TJP1: variants seen among roughly 807,000 people sequenced by gnomAD.
TJP1 encodes tight junction protein 1.
Under a neutral mutation model 194.2 loss-of-function variants are expected in TJP1, and 43 were observed. That is an observed-to-expected ratio of 0.22 (90% CI 0.17 to 0.29). The LOEUF is 0.29. Ranked by LOEUF, TJP1 falls within the 10% of genes least tolerant of loss-of-function variation. The pLI, the probability that TJP1 is intolerant of heterozygous loss-of-function variation, is 1.00. For missense variants in TJP1, 1,971 were observed against 2,185.7 expected, an observed-to-expected ratio of 0.90 and a Z score of 1.96; for synonymous variants, 801 against 779.0, an observed-to-expected ratio of 1.03 and a Z score of -0.47.
At chr15:29,734,132 G>A in intron 12 of TJP1, 142 bp downstream of exon 12, 1 of 591,368 alleles carries the variant, frequency 1.7e-6, no homozygotes. Context: ...AAATGACTTA[G>A]AATTACATAA....
At chr15:29,930,570 G>A (rs60884490) in intron 2 of TJP1, among the ~76,000 whole-genome samples, 8,873 of 152,162 alleles carry the variant, frequency 0.058, 748 homozygotes, top group African/African-American at 0.18. Flanking sequence ...GACCAACAGA[G>A]GATTTCTCTA....
rs199907379 is a variant in TJP1, at chr15:29,916,240, CAAAAA to C, written c.306+39987_306+39991del. The stretch of plus-strand genomic sequence containing the variant: ...GTGCGACAAGAGCAAGACTCTGTCT[CAAAAA>C]AAAAAAAAAAAAAAGATCATAGCTC... On this transcript the variant is annotated intron_variant, in intron 2 of 28. Transcript: ENST00000356107. 4.5e-4 allele frequency among the ~76,000 whole-genome samples: 43 copies of C among 96,574 alleles called. 1 individual carries two copies. Among genetic ancestry groups the C allele is most frequent in the African/African-American group, 1.3e-3 (40 of 31,626 alleles). The allele number at this position is 96,574 out of a possible 152,430, so 63.4% of individuals were successfully genotyped here. A position where few individuals can be genotyped will look rare whatever the true frequency, so the allele number is the denominator to read the frequency against.
At chr15:29,803,609 A>C (rs762205771) in intron 1 of TJP1, among the ~76,000 whole-genome samples, 1 of 152,162 alleles carries the variant, frequency 6.6e-6, no homozygotes, top group Non-Finnish European at 1.5e-5. Flanking sequence ...CTTGGCTTTT[A>C]GGAAAATCAA....
chr15:29,765,303 G>A (rs946980908), intron 5 of TJP1, among the ~76,000 whole-genome samples: 1 of 152,106 alleles, frequency 6.6e-6, no homozygotes, highest in Non-Finnish European at 1.5e-5. Context: ...TCACTGAATG[G>A]GGGTATGGAA....
At chr15:29,906,468 AAAATAAATAAAT>A (rs71103415) in intron 2 of TJP1, among the ~76,000 whole-genome samples, 43 of 138,934 alleles carry the variant, frequency 3.1e-4, no homozygotes, top group East Asian at 1.7e-3. Flanking sequence ...ACTCCGTCTC[AAAATAAATAAAT>A]AAATAAATAA....
chr15:29,863,377 AGGTGATT>A (rs1406890168), intron 2 of TJP1, among the ~76,000 whole-genome samples: 12 of 152,156 alleles, frequency 7.9e-5, no homozygotes, highest in African/African-American at 2.9e-4. Context: ...GGAAGGGTTT[AGGTGATT>A]CTTGCAAAAG....
At chr15:29,793,344 T>A (rs2048212308) in intron 2 of TJP1, among the ~76,000 whole-genome samples, 1 of 152,214 alleles carries the variant, frequency 6.6e-6, no homozygotes, top group African/African-American at 2.4e-5. Context: ...TTTTGGCATC[T>A]ATAGAAATGG....
chr15:29,705,567 G>A lies in TJP1; in HGVS notation c.5029C>T (p.Arg1677Trp), dbSNP rs1176030806. The change falls in exon 26 of 28, where the codon CGG becomes TGG. Residue 1677 changes from arginine to tryptophan, a missense_variant. Around this residue, in one of 5 missense-constraint regions of TJP1, gnomAD observed 1,108 missense variants for 1,128.5 expected, o/e 0.98. Transcript: ENST00000614355. ...AAAGGTGGAAGGATGCTGTTGTCCC[G>A]GCAGACCTTGAAATAGATTTCCTGC... ...VEQEIYFKVC[R>W]DNSILPPLDK... is the part of the protein sequence containing the mutation. 8 of 1,614,132 alleles carry A rather than the reference G, an allele frequency of 5.0e-6. No homozygotes were observed. The highest frequency in any genetic ancestry group is 1.7e-4 in the Middle Eastern group (1 of 6,060).
chr15:29,762,196 G>C, intron 6 of TJP1, 139 bp downstream of exon 6: 1 of 631,018 alleles, frequency 1.6e-6, no homozygotes. Flanking sequence ...TGCATAAAGG[G>C]AATTTATATC....
chr15:29,945,776 AACAC>A (rs371167321), intron 2 of TJP1, among the ~76,000 whole-genome samples: 22 of 150,120 alleles, frequency 1.5e-4, no homozygotes, highest in Admixed American at 2.7e-4. Context: ...AAGGCTATTA[AACAC>A]ACACACACAC....
chr15:29,732,487 C>G lies in TJP1; in HGVS notation c.1963G>C (p.Asp655His). ...CTTGCCAGCTTTTCTCTGGCAACAT[C>G]AGCTATTGGTCCAAAAATGGTTACA... Reference protein sequence around the residue: ...RPVTIFGPIADVAREKLAREE... With the variant: ...RPVTIFGPIAHVAREKLAREE... Residue 655 changes from aspartate (D) to histidine (H), a missense_variant, in exon 15 of 28, where the codon GAT (aspartate) becomes CAT (histidine). Coordinates refer to ENST00000614355, the MANE Select transcript of TJP1 (RefSeq NM_001330239.4). 1 of 1,614,072 alleles carries G rather than the reference C, an allele frequency of 6.2e-7. No individual in the cohort carries two copies. The highest frequency in any genetic ancestry group is 8.5e-7 in the Non-Finnish European group (1 of 1,180,020).
intron 2 of TJP1, among the ~76,000 whole-genome samples, chr15:29,895,407 C>T (rs867072483): frequency 2.0e-5 from 3 of 152,216 alleles, no homozygotes; most frequent in Non-Finnish European, 2.9e-5. Context: ...GTTCTACCTT[C>T]CACAAAATGT....
At chr15:29,844,449 T>C (rs1024359581) in intron 2 of TJP1, among the ~76,000 whole-genome samples, 1 of 152,030 alleles carries the variant, frequency 6.6e-6, no homozygotes. Flanking sequence ...GCCAGTGAGG[T>C]GGCACCAGCA....
chr15:29,734,463 T>G, intron 11 of TJP1, 81 bp from the exon 12 acceptor site: 2 of 1,009,720 alleles, frequency 2.0e-6, no homozygotes, highest in South Asian at 3.1e-5. Context: ...ATACTCTCAG[T>G]CTACCTAATT....
chr15:29,855,766 G>T (rs2051824555), intron 2 of TJP1, among the ~76,000 whole-genome samples: 1 of 151,752 alleles, frequency 6.6e-6, no homozygotes, highest in Non-Finnish European at 1.5e-5. Flanking sequence ...TGAGGCACGA[G>T]AATCGCTTGA....
chr15:29,860,084 G>C (rs968016382), intron 2 of TJP1, among the ~76,000 whole-genome samples: 1 of 152,158 alleles, frequency 6.6e-6, no homozygotes, highest in African/African-American at 2.4e-5. Flanking sequence ...TCTTACTGGG[G>C]CTACCTCTAT....
chr15:29,705,928 T>TTTTG (rs1025897971), intron 25 of TJP1, among the ~76,000 whole-genome samples, 183 bp from the exon 26 acceptor site: 3 of 152,198 alleles, frequency 2.0e-5, no homozygotes, highest in African/African-American at 7.2e-5. Flanking sequence ...ATTATTTCTT[T>TTTTG]TTTGTTTGTT....
chr15:29,739,056 C>CAAAACA (rs1028637327), intron 10 of TJP1, among the ~76,000 whole-genome samples: 9 of 151,766 alleles, frequency 5.9e-5, no homozygotes, highest in South Asian at 2.1e-4. Flanking sequence ...TAAAACAAAG[C>CAAAACA]AAAACAAAAA....
intron 2 of TJP1, among the ~76,000 whole-genome samples, chr15:29,875,715 C>T (rs773876278): frequency 1.1e-4 from 17 of 152,090 alleles, no homozygotes; most frequent in African/African-American, 3.1e-4. Flanking sequence ...TACAGGCGTG[C>T]GCCACCATGC....
Sources: gnomAD v4.1 joint callset for allele counts (sites outside exome capture counted in the v4.1 genomes callset) on GRCh38, gnomAD v4.1.1 for gene constraint, gnomAD v4.1.1 regional missense constraint, MANE v1.5 for transcripts, NCBI Gene and HGNC (gene_info 2026-07-23, HGNC 2026-07-21) for gene names.